Variants in BMERB1 observed in about 807,000 individuals in gnomAD.
BMERB1 encodes the protein bMERB domain containing 1.
In BMERB1, 12 loss-of-function variants were observed where a neutral mutation model predicts 23.6. That is an observed-to-expected ratio of 0.51 (90% CI 0.33 to 0.82). The LOEUF is 0.82. BMERB1 is among the 40% of genes least tolerant of loss of function. The probability of loss-of-function intolerance (pLI) is 0.03; values close to 1 mark genes in which losing one functional copy is unlikely to be tolerated. For synonymous variants in BMERB1, 122 were observed against 96.6 expected, an observed-to-expected ratio of 1.26 and a Z score of -1.54; for missense variants, 247 against 255.4, an observed-to-expected ratio of 0.97 and a Z score of 0.22.
chr16:15,462,036 G>A (rs2051139741), intron 1 of BMERB1, among the ~76,000 whole-genome samples: 4 of 148,580 alleles, frequency 2.7e-5, no homozygotes, highest in Admixed American at 6.8e-5. Context: ...CAACATATAT[G>A]ATTTTGCAGT....
At chr16:15,580,823 G>A (rs1021105719) in intron 3 of BMERB1, among the ~76,000 whole-genome samples, 12 of 151,050 alleles carry the variant, frequency 7.9e-5, no homozygotes, top group Non-Finnish European at 1.5e-4. Context: ...GGGATTACAG[G>A]TGTGAGCCAC....
At position 15,434,766 on chromosome 16, in the gene BMERB1, A is replaced by G. The variant is rs753893747; in HGVS notation, c.106+7A>G. 3 of 354,526 alleles carry G rather than the reference A, an allele frequency of 8.5e-6. No individual in the cohort carries two copies. In the East Asian group the frequency reaches 2.3e-4, roughly 27 times the overall value. 22.0% of individuals were successfully genotyped at this position (354,526 alleles called of 1,614,324 possible). ...ACGGAGAGACTGGGGAGAAGTGAGT[A>G]CTGGGGCGGGGGGCGGGGGGCCGGG... On this transcript the variant is annotated splice_region_variant and intron_variant, in intron 1 of 5. Transcript: ENST00000300006.
Position 15,515,355 on chromosome 16 carries a change from A to G in BMERB1, c.157A>G (p.Ile53Val). ...MAETTMMPEEIELEMAKIQRL... is the reference protein window; with the variant it reads ...MAETTMMPEEVELEMAKIQRL... ...GGAGACAACCATGATGCCAGAGGAG[A>G]TTGAGCTGGAGATGGCAAAAATTCA... Residue 53 changes from isoleucine (I) to valine (V), a missense_variant, in exon 2 of 6, where the codon ATT becomes GTT. Physicochemically the swap from Ile to Val is conservative, Grantham distance 29. Coordinates refer to ENST00000300006, the MANE Select transcript of BMERB1 (RefSeq NM_033201.3). 1 of 1,613,912 alleles carries G rather than the reference A, an allele frequency of 6.2e-7. No individual in the cohort carries two copies. Among genetic ancestry groups the G allele is most frequent in the Non-Finnish European group, 8.5e-7 (1 of 1,179,998 alleles).
At chr16:15,496,071 A>AGGGGTGGTAATGATGGTG (rs1194372621) in intron 1 of BMERB1, among the ~76,000 whole-genome samples, 5 of 151,352 alleles carry the variant, frequency 3.3e-5, no homozygotes, top group African/African-American at 1.2e-4. Context: ...TGATGATGAC[A>AGGGGTGGTAATGATGGTG]GTGATCGTGA....
intron 2 of BMERB1, among the ~76,000 whole-genome samples, chr16:15,533,859 T>C (rs531141621): frequency 3.3e-5 from 5 of 152,164 alleles, no homozygotes; most frequent in Non-Finnish European, 7.3e-5. Context: ...TGTTCAACCC[T>C]GCGCATCCTT....
At chr16:15,518,919 A>G (rs1226527511) in intron 2 of BMERB1, among the ~76,000 whole-genome samples, 2 of 152,120 alleles carry the variant, frequency 1.3e-5, no homozygotes, top group African/African-American at 2.4e-5. Flanking sequence ...AATTCCTTCA[A>G]GTTTATAAAC....
intron 1 of BMERB1, among the ~76,000 whole-genome samples, chr16:15,488,064 G>T (rs2051382789): frequency 6.6e-6 from 1 of 152,038 alleles, no homozygotes; most frequent in Non-Finnish European, 1.5e-5. Flanking sequence ...AGCCCAATAG[G>T]TCTCCGCCTC....
intron 2 of BMERB1, among the ~76,000 whole-genome samples, chr16:15,556,673 C>A (rs2030268353): frequency 6.6e-6 from 1 of 152,156 alleles, no homozygotes; most frequent in Non-Finnish European, 1.5e-5. Flanking sequence ...GCAACCTCCA[C>A]CTCCCAGGTT....
chr16:15,514,584 C>G (rs2051722022), intron 1 of BMERB1, among the ~76,000 whole-genome samples: 1 of 149,306 alleles, frequency 6.7e-6, no homozygotes, highest in Non-Finnish European at 1.5e-5. Context: ...TTGACGTCAG[C>G]CTGGCCAACA....
chr16:15,504,489 C>T (rs2051563533), intron 1 of BMERB1, among the ~76,000 whole-genome samples: 1 of 151,150 alleles, frequency 6.6e-6, no homozygotes, highest in Non-Finnish European at 1.5e-5. Context: ...ACTCTGTCAC[C>T]TAGGCTGGAG....
intron 1 of BMERB1, among the ~76,000 whole-genome samples, chr16:15,439,154 G>T (rs1427462962): frequency 2.0e-5 from 3 of 152,174 alleles, no homozygotes; most frequent in Admixed American, 1.3e-4. Flanking sequence ...TTAGATAAAA[G>T]ATATGTAATG....
rs760548104 is a variant in BMERB1, at chr16:15,452,443, C to T, written c.106+17684C>T. On this transcript the variant is annotated intron_variant, in intron 1 of 5. Coordinates refer to ENST00000300006, the MANE Select transcript of BMERB1 (RefSeq NM_033201.3). The stretch of plus-strand genomic sequence containing the variant: ...GGAATTTCCAGATGGCAGAAAATTC[C>T]GGGTACTGTCATCTGGCTGAATCAG... 1.3e-4 allele frequency among the ~76,000 whole-genome samples: 19 copies of T among 151,856 alleles called. No homozygotes were observed. The South Asian group carries it at 1.5e-3, about 12-fold the overall frequency.
At chr16:15,472,067 T>A (rs2051233456) in intron 1 of BMERB1, among the ~76,000 whole-genome samples, 2 of 152,260 alleles carry the variant, frequency 1.3e-5, no homozygotes, top group African/African-American at 4.8e-5. Context: ...CAGGAGATTT[T>A]CTGTTATATT....
chr16:15,466,038 A>G lies in BMERB1; in HGVS notation c.106+31279A>G, dbSNP rs139882889. 1.8e-4 allele frequency among the ~76,000 whole-genome samples: 28 copies of G among 152,196 alleles called. No individual in the cohort carries two copies. The East Asian group carries it at 4.6e-3, about 25-fold the overall frequency. On this transcript the variant is annotated intron_variant, in intron 1 of 5. Transcript: ENST00000300006. ...TTTTTCAGTATTACCAGACATTGCT[A>G]TCATGGCCATCCAGGTATAAATGCC...
intron 1 of BMERB1, among the ~76,000 whole-genome samples, chr16:15,475,761 A>T: frequency 6.6e-6 from 1 of 152,190 alleles, no homozygotes; most frequent in East Asian, 1.9e-4. Flanking sequence ...CCAGCAGGGG[A>T]ATCAGACTGT....
chr16:15,443,409 G>C (rs1418721788), intron 1 of BMERB1, among the ~76,000 whole-genome samples: 1 of 151,142 alleles, frequency 6.6e-6, no homozygotes, highest in African/African-American at 2.4e-5. Flanking sequence ...CAAAAAATTA[G>C]CTGGACGTGG....
At chr16:15,496,901 G>A (rs186051604) in intron 1 of BMERB1, among the ~76,000 whole-genome samples, 1 of 152,190 alleles carries the variant, frequency 6.6e-6, no homozygotes, top group East Asian at 1.9e-4. Context: ...GGGGCACAAA[G>A]CCAGGCAGGG....
intron 1 of BMERB1, among the ~76,000 whole-genome samples, chr16:15,509,568 T>G (rs1045094337): frequency 6.6e-6 from 1 of 152,202 alleles, no homozygotes; most frequent in African/African-American, 2.4e-5. Flanking sequence ...GTCTTGCGGC[T>G]GATGACTAGT....
intron 2 of BMERB1, among the ~76,000 whole-genome samples, chr16:15,516,204 G>T (rs780295250): frequency 3.3e-5 from 5 of 152,012 alleles, no homozygotes; most frequent in African/African-American, 1.2e-4. Flanking sequence ...CGGGATGATC[G>T]CTTGAGCCCA....
Sources: gnomAD v4.1 joint callset for allele counts (sites outside exome capture counted in the v4.1 genomes callset) on GRCh38, gnomAD v4.1.1 for gene constraint, MANE v1.5 for transcripts, NCBI Gene and HGNC (gene_info 2026-07-23, HGNC 2026-07-21) for gene names.